Variants in CALN1 observed in about 807,000 individuals in gnomAD.
The protein encoded by CALN1 is calcium-binding protein 8.
A neutral mutation model predicts 30.6 loss-of-function variants in CALN1; 17 were observed. The observed-to-expected ratio is 0.56, with a 90% CI of 0.38 to 0.83. The LOEUF is 0.83. CALN1 is among the 40% of genes least tolerant of loss of function. CALN1 has a pLI of 0.00. For missense variants in CALN1, 291 were observed against 354.9 expected, an observed-to-expected ratio of 0.82 and a Z score of 1.45; for synonymous variants, 156 against 131.4, an observed-to-expected ratio of 1.19 and a Z score of -1.28.
At chr7:72,345,750 C>G (rs957918649) in intron 2 of CALN1, among the ~76,000 whole-genome samples, 2 of 152,118 alleles carry the variant, frequency 1.3e-5, no homozygotes, top group African/African-American at 4.8e-5. Context: ...AAACCAAAAG[C>G]CTTTGGAGAA....
At chr7:71,922,199 C>A (rs1794981033) in intron 5 of CALN1, among the ~76,000 whole-genome samples, 1 of 152,122 alleles carries the variant, frequency 6.6e-6, no homozygotes, top group Non-Finnish European at 1.5e-5. Flanking sequence ...AATGGATTCT[C>A]TTTTAATTAC....
chr7:72,405,611 C>G (rs1191562150), intron 1 of CALN1, among the ~76,000 whole-genome samples: 1 of 152,110 alleles, frequency 6.6e-6, no homozygotes, highest in Middle Eastern at 3.2e-3. Flanking sequence ...CACACTACAA[C>G]GCCCACTTCC....
the CALN1 span, among the ~76,000 whole-genome samples, chr7:72,502,235 C>G: frequency 6.7e-6 from 1 of 149,016 alleles, no homozygotes; most frequent in Non-Finnish European, 1.5e-5. Flanking sequence ...GCTTGTGGGG[C>G]GGGGAGGAAT....
intron 2 of CALN1, among the ~76,000 whole-genome samples, chr7:72,279,547 A>G (rs537726934): frequency 8.8e-4 from 134 of 152,320 alleles, no homozygotes; most frequent in African/African-American, 2.9e-3. Context: ...CCAATAGAAA[A>G]AAGCTCCTGA....
chr7:72,492,505 A>C, the CALN1 span, among the ~76,000 whole-genome samples: 1 of 150,980 alleles, frequency 6.6e-6, no homozygotes, highest in African/African-American at 2.4e-5. Context: ...CAGATCTTGC[A>C]TGCAAGTTGG....
intron 5 of CALN1, among the ~76,000 whole-genome samples, chr7:72,020,399 G>A (rs2129529989): frequency 6.6e-6 from 1 of 152,248 alleles, no homozygotes; most frequent in African/African-American, 2.4e-5. Flanking sequence ...AACCACCCAA[G>A]CACTGGGAAC....
chr7:71,971,962 AAAG>A (rs1309136719), intron 5 of CALN1, among the ~76,000 whole-genome samples: 7 of 94,302 alleles, frequency 7.4e-5, no homozygotes, highest in African/African-American at 2.6e-4. Context: ...AAAAAGAAAG[AAAG>A]AAAGAAAGAA....
rs540061823 is a variant in CALN1 at position 72,220,241 on chromosome 7, T to A, written c.244+58445A>T. 2.9e-5 allele frequency among the ~76,000 whole-genome samples: 4 copies of A among 138,018 alleles called. No homozygotes were observed. In the East Asian group the frequency reaches 8.9e-4, roughly 31 times the overall value. The allele number at this position is 138,018 out of a possible 152,430, so 90.5% of individuals were successfully genotyped here. A position where few individuals can be genotyped will look rare whatever the true frequency, so the allele number is the denominator to read the frequency against. ...GGAGTGTGATGTTCCCCTTCCTGTG[T>A]CCATGTGTTCTCATTGTTCAATTCC... is the stretch of plus-strand genomic sequence containing the variant. On this transcript the variant is annotated intron_variant, in intron 3 of 6. Coordinates refer to ENST00000395275, the MANE Select transcript of CALN1 (RefSeq NM_031468.4).
upstream of CALN1, among the ~76,000 whole-genome samples, chr7:72,447,929 C>A (rs1316046089): frequency 6.6e-6 from 1 of 150,560 alleles, no homozygotes; most frequent in Non-Finnish European, 1.5e-5. Context: ...CACACGCTTG[C>A]CCATGTACAC....
chr7:72,395,239 G>C (rs1467041601), intron 2 of CALN1, among the ~76,000 whole-genome samples: 8 of 152,150 alleles, frequency 5.3e-5, no homozygotes, highest in Non-Finnish European at 7.3e-5. Context: ...GAATATGTCA[G>C]TTATCTATCA....
intron 2 of CALN1, among the ~76,000 whole-genome samples, chr7:72,329,302 G>A (rs1467543874): frequency 6.6e-6 from 1 of 152,198 alleles, no homozygotes; most frequent in African/African-American, 2.4e-5. Flanking sequence ...GATGGATAAA[G>A]ACTCACTTTA....
chr7:72,334,430 G>A (rs1585520503), intron 2 of CALN1, among the ~76,000 whole-genome samples: 1 of 152,236 alleles, frequency 6.6e-6, no homozygotes, highest in Non-Finnish European at 1.5e-5. Context: ...CCCCAGCCCT[G>A]CCCAATATTT....
At chr7:72,369,822 G>A (rs1023555858) in intron 2 of CALN1, among the ~76,000 whole-genome samples, 4 of 152,082 alleles carry the variant, frequency 2.6e-5, no homozygotes, top group Admixed American at 6.6e-5. Context: ...TTTCTGAGTC[G>A]TATTCCATTG....
chr7:71,874,553 C>T (rs1224757683), intron 5 of CALN1, among the ~76,000 whole-genome samples: 2 of 152,174 alleles, frequency 1.3e-5, no homozygotes, highest in Admixed American at 1.3e-4. Context: ...ACACTTGCAG[C>T]GTGGACTGGG....
At chr7:72,233,051 T>A (rs2129550744) in intron 3 of CALN1, among the ~76,000 whole-genome samples, 1 of 152,268 alleles carries the variant, frequency 6.6e-6, no homozygotes, top group African/African-American at 2.4e-5. Flanking sequence ...TGCACCTGTT[T>A]AAAAGCTTTG....
At chr7:72,487,864 G>GAA in the CALN1 span, among the ~76,000 whole-genome samples, 846 of 75,490 alleles carry the variant, frequency 0.011, 35 homozygotes, top group African/African-American at 0.05. Flanking sequence ...GAGAAAGAAA[G>GAA]AAAGAAAGAA....
At chr7:72,503,556 G>C in the CALN1 span, among the ~76,000 whole-genome samples, 25,465 of 152,034 alleles carry the variant, frequency 0.17, 2,168 homozygotes, top group Middle Eastern at 0.18. Context: ...CTGCAAGCTT[G>C]AGTTTCTCTT....
intron 2 of CALN1, among the ~76,000 whole-genome samples, chr7:72,401,717 G>A (rs182676022): frequency 6.1e-4 from 93 of 152,314 alleles, no homozygotes; most frequent in African/African-American, 2.2e-3. Flanking sequence ...AGGAACAAAT[G>A]AGGAAACATT....
intron 3 of CALN1, among the ~76,000 whole-genome samples, chr7:72,205,551 A>AAATATATACGTATATATACATATATAT: frequency 1.2e-5 from 1 of 83,052 alleles, no homozygotes; most frequent in African/African-American, 7.5e-5. Context: ...GCAAAAAAAA[A>AAATATATACGTATATATACATATATAT]ATATATATAT....
Sources: allele counts gnomAD v4.1 joint callset (sites outside exome capture counted in the v4.1 genomes callset), GRCh38; gene constraint gnomAD v4.1.1; transcripts MANE v1.5; gene names NCBI Gene and HGNC (gene_info 2026-07-23, HGNC 2026-07-21).